CLEC5A: variants seen among roughly 807,000 people sequenced by gnomAD.
CLEC5A encodes C-type lectin domain family 5 member A.
A neutral mutation model predicts 24.4 loss-of-function variants in CLEC5A; 15 were observed. The observed-to-expected ratio is 0.62, with a 90% CI of 0.41 to 0.95. The LOEUF (loss-of-function observed/expected upper bound fraction) is 0.95, where lower values mean the gene tolerates loss of function less well. Ranked by LOEUF, CLEC5A falls within the 40% of genes least tolerant of loss-of-function variation. CLEC5A has a pLI of 0.00. For synonymous variants in CLEC5A, 71 were observed against 72.6 expected (o/e 0.98, Z 0.11); for missense variants, 211 against 224.0 (o/e 0.94, Z 0.37).
intron 6 of CLEC5A, among the ~76,000 whole-genome samples, chr7:141,931,217 G>A (rs1802446862): frequency 6.6e-6 from 1 of 152,124 alleles, no homozygotes. Flanking sequence ...GTTAAAAGAC[G>A]AAGCCCTTTT....
At chr7:141,931,892 C>A in intron 5 of CLEC5A, 66 bp from the exon 6 acceptor site, 1 of 720,454 alleles carries the variant, frequency 1.4e-6, no homozygotes. Context: ...CCAATGTGCC[C>A]ATGATTATAT....
At position 141,929,021 on chromosome 7, in the gene CLEC5A, C is replaced by T. The variant is rs782750641; in HGVS notation, c.*1083G>A. 6.6e-6 allele frequency: 1 copy of T among 152,206 alleles called. No individual in the cohort carries two copies. Among genetic ancestry groups the T allele is most frequent in the Non-Finnish European group, 1.5e-5 (1 of 68,068 alleles). The allele number at this position is 152,206 out of a possible 1,614,324, so 9.4% of individuals were successfully genotyped here. On this transcript the variant is annotated 3_prime_UTR_variant, in exon 7 of 7. Transcript: ENST00000546910. ...TTCTTCCAGTGTGGCCAAATGAACT[C>T]CCTGTTTCCTGTCTCAGGTGATTTC...
chr7:141,936,241 A>G, intron 4 of CLEC5A: 2 of 380,994 alleles, frequency 5.2e-6, no homozygotes, highest in Non-Finnish European at 9.6e-6. Context: ...ATATACATAC[A>G]TGAGAACAAA....
chr7:141,931,245 A>G (rs1230350984), intron 6 of CLEC5A, among the ~76,000 whole-genome samples: 1 of 152,238 alleles, frequency 6.6e-6, no homozygotes, highest in African/African-American at 2.4e-5. Context: ...CAGAAACACT[A>G]GTGTTATAGA....
At chr7:141,940,100 T>C (rs1157172350) in intron 4 of CLEC5A, among the ~76,000 whole-genome samples, 1 of 152,164 alleles carries the variant, frequency 6.6e-6, no homozygotes, top group Non-Finnish European at 1.5e-5. Context: ...AATAGATATT[T>C]ATAGAACATT....
At chr7:141,945,279 C>T in intron 3 of CLEC5A, 62 bp downstream of exon 3, 1 of 1,193,570 alleles carries the variant, frequency 8.4e-7, no homozygotes, top group Non-Finnish European at 1.3e-6. Flanking sequence ...TGGAAGGTCT[C>T]TAGGAATTCA....
chr7:141,936,907 A>C (rs1364118517), intron 4 of CLEC5A, among the ~76,000 whole-genome samples: 1 of 151,966 alleles, frequency 6.6e-6, no homozygotes, highest in Non-Finnish European at 1.5e-5. Flanking sequence ...CCCCATTCCA[A>C]ACCCTAGTTC....
chr7:141,931,812 G>C lies in CLEC5A; in HGVS notation c.360C>G (p.Asp120Glu). ...NTPEKLKFLQ[D>E]ITDAEKYFIG... is the part of the protein sequence containing the mutation. ...TAAAATACTTCTCAGCATCAGTTATGTCCTGAAGAAACTTCTGGAAATAAA... is the reference window on the plus strand; with the variant it reads ...TAAAATACTTCTCAGCATCAGTTATCTCCTGAAGAAACTTCTGGAAATAAA... The change falls in exon 6 of 7, where the codon GAC (aspartate) becomes GAG (glutamate). Residue 120 changes from aspartate to glutamate, a missense_variant. Physicochemically the swap from Asp to Glu is conservative, Grantham distance 45 (BLOSUM62 2). Transcript: ENST00000546910. 1 of 1,569,086 alleles carries C rather than the reference G, an allele frequency of 6.4e-7. No individual in the cohort carries two copies. The highest frequency in any genetic ancestry group is 8.7e-7 in the Non-Finnish European group (1 of 1,152,034).
intron 1 of CLEC5A, 145 bp from the exon 2 acceptor site, chr7:141,946,457 C>T: frequency 1.5e-6 from 1 of 664,744 alleles, no homozygotes; most frequent in South Asian, 2.0e-5. Flanking sequence ...AGGAGGTGAC[C>T]CAGCGTGGGC....
chr7:141,934,439 G>GT (rs1802554399), intron 5 of CLEC5A, among the ~76,000 whole-genome samples: 1 of 152,078 alleles, frequency 6.6e-6, no homozygotes, highest in Non-Finnish European at 1.5e-5. Flanking sequence ...AACAGGAAGA[G>GT]TGGGGGGGTC....
At chr7:141,939,619 T>C (rs1317678725) in intron 4 of CLEC5A, among the ~76,000 whole-genome samples, 5 of 152,052 alleles carry the variant, frequency 3.3e-5, no homozygotes, top group Non-Finnish European at 1.5e-5. Flanking sequence ...GGATTAAACT[T>C]TCCAATCAAA....
intron 3 of CLEC5A, 48 bp downstream of exon 3, chr7:141,945,293 T>A (rs370554727): frequency 7.8e-5 from 103 of 1,326,902 alleles, no homozygotes; most frequent in Non-Finnish European, 1.1e-4. Flanking sequence ...GAATTCAGCA[T>A]AGAAGTAGCA....
chr7:141,941,211 T>G (rs2128962076), intron 4 of CLEC5A, among the ~76,000 whole-genome samples: 1 of 152,072 alleles, frequency 6.6e-6, no homozygotes, highest in Non-Finnish European at 1.5e-5. Flanking sequence ...CAACAACATA[T>G]TAAAAAGATC....
Position 141,940,377 on chromosome 7 carries a change from C to A in CLEC5A, c.208+3519G>T, listed in dbSNP as rs782001990. ...AATTAAGAAAGGAATTGAAAAACTT[C>A]TTTTAACAAATGATAATGAAAACAC... On this transcript the variant is annotated intron_variant, in intron 4 of 6. Coordinates refer to ENST00000546910, the MANE Select transcript of CLEC5A (RefSeq NM_013252.3). 1.1e-3 allele frequency among the ~76,000 whole-genome samples: 172 copies of A among 151,894 alleles called. 1 individual carries two copies. The highest frequency in any genetic ancestry group is 4.4e-4 in the Non-Finnish European group (30 of 67,846).
At chr7:141,945,482 G>T (rs1356488030) in intron 2 of CLEC5A, 82 bp from the exon 3 acceptor site, 3 of 932,882 alleles carry the variant, frequency 3.2e-6, no homozygotes, top group Non-Finnish European at 5.3e-6. Flanking sequence ...CACAGGGGCT[G>T]CTAGGGTACT....
At chr7:141,940,451 G>A (rs552571832) in intron 4 of CLEC5A, among the ~76,000 whole-genome samples, 2 of 151,426 alleles carry the variant, frequency 1.3e-5, no homozygotes, top group Admixed American at 6.6e-5. Context: ...ATACCTATAA[G>A]TGCCTGCATC....
Position 141,945,375 on chromosome 7 carries a change from G to A in CLEC5A, c.105C>T (p.Asn35=), listed in dbSNP as rs568155624. ...AGCTCCTGGTGGTGGTGAAACCATC[G>A]TTACTTTTGTTAAAAATCTGTGGGA... ...LYFPQIFNKS[N]DGFTTTRSYG... The change falls in exon 3 of 7, where the codon AAC becomes AAT. Residue 35 remains asparagine (N), a synonymous_variant. Transcript: ENST00000546910. 41 of 1,613,120 alleles carry A rather than the reference G, an allele frequency of 2.5e-5. 1 individual carries two copies. In the East Asian group the frequency reaches 4.5e-4, roughly 18 times the overall value.
chr7:141,933,575 C>CATATATATAT lies in CLEC5A; in HGVS notation c.346-1759_346-1750dup, dbSNP rs3043785. Among the ~76,000 whole-genome samples the CATATATATAT allele has an allele frequency of 1.2e-3, 137 of 115,204 alleles. 1 individual carries two copies. Among genetic ancestry groups the CATATATATAT allele is most frequent in the African/African-American group, 4.4e-3 (106 of 24,030 alleles). The allele number at this position is 115,204 out of a possible 152,430, so 75.6% of individuals were successfully genotyped here. ...TGACTCAGCGAGTTTAGGGAGCAGG[C>CATATATATAT]ATATATATATATATATATATATATA... is the stretch of plus-strand genomic sequence containing the variant. On this transcript the variant is annotated intron_variant, in intron 5 of 6. Coordinates refer to ENST00000546910, the MANE Select transcript of CLEC5A (RefSeq NM_013252.3).
rs200479405 is a variant in CLEC5A at position 141,938,450 on chromosome 7, AAAG to A, written c.209-2503_209-2501del. ...CAGAAGTCAGAGGATACAAAAGAAA[AAAG>A]AATAAGAAACAATGAAGCACACTTG... On this transcript the variant is annotated intron_variant, in intron 4 of 6. Coordinates refer to ENST00000546910, the MANE Select transcript of CLEC5A (RefSeq NM_013252.3). 4.3e-3 allele frequency among the ~76,000 whole-genome samples: 660 copies of A among 152,286 alleles called. 5 individuals are homozygous for A. The highest frequency in any genetic ancestry group is 0.015 in the African/African-American group (634 of 41,572).
Sources: gnomAD v4.1 joint callset for allele counts (sites outside exome capture counted in the v4.1 genomes callset) on GRCh38, gnomAD v4.1.1 for gene constraint, MANE v1.5 for transcripts, NCBI Gene and HGNC (gene_info 2026-07-23, HGNC 2026-07-21) for gene names.